The following WNK4 variants were observed in gnomAD, a reference collection of about 807,000 sequenced individuals.
WNK4 encodes the protein serine/threonine-protein kinase WNK4.
WNK4 carries 94 observed loss-of-function variants against 116.2 expected under a neutral mutation model. The observed-to-expected ratio is 0.81, with a 90% CI of 0.68 to 0.96. The LOEUF is 0.96. Ranked by LOEUF, WNK4 falls within the 40% of genes least tolerant of loss-of-function variation. The pLI, the probability that WNK4 is intolerant of heterozygous loss-of-function variation, is 0.00. For synonymous variants in WNK4, 655 were observed against 672.7 expected (o/e 0.97, Z 0.41); for missense variants, 1,542 against 1,650.6 (o/e 0.93, Z 1.14).
Position 42,783,970 on chromosome 17 carries a change from G to T in WNK4, c.825G>T (p.Arg275=). ...GGCGGTTCCGGGAGATGAAGCCGCG[G>T]GTCCTTCAGCGCTGGAGCCGCCAAA... ...YLRRFREMKP[R]VLQRWSRQIL... is the part of the protein sequence containing the mutation. Residue 275 remains arginine, a synonymous_variant, in exon 3 of 19, where the codon CGG becomes CGT. Coordinates refer to ENST00000246914, the MANE Select transcript of WNK4 (RefSeq NM_032387.5). The T allele has an allele frequency of 6.2e-7, 1 of 1,613,958 alleles. No homozygotes were observed.
Position 42,794,933 on chromosome 17 carries a change from C to T in WNK4, c.2512C>T (p.Pro838Ser). 1.9e-6 allele frequency: 3 copies of T among 1,544,346 alleles called. No individual in the cohort carries two copies. The highest frequency in any genetic ancestry group is 2.6e-6 in the Non-Finnish European group (3 of 1,133,246). ...CCCCATCACTTCTCCCCCATGTCAT[C>T]CCAGCCCCTCCCCATTCTCCCCCAT... ...IFPITSPPCH[P>S]SPSPFSPISS... The change falls in exon 14 of 19, where the codon CCC (proline) becomes TCC (serine). Residue 838 changes from proline (P) to serine (S), a missense_variant. By Grantham distance (74) the Pro-to-Ser change is moderately conservative. Transcript: ENST00000246914.
At chr17:42,793,897 G>A in intron 12 of WNK4, 168 bp downstream of exon 12, 1 of 818,074 alleles carries the variant, frequency 1.2e-6, no homozygotes, top group Admixed American at 2.4e-5. Context: ...CTGTCGCCCA[G>A]GCTGGAGTGC....
chr17:42,796,122 G>A lies in WNK4; in HGVS notation c.3432-1G>A. On this transcript the variant is annotated splice_acceptor_variant, in intron 16 of 18. Coordinates refer to ENST00000246914, the MANE Select transcript of WNK4 (RefSeq NM_032387.5). LOFTEE classifies it high-confidence loss of function. The stretch of plus-strand genomic sequence containing the variant: ...CTTTCATGCCCTCCGTGCATCCTCA[G>A]GCACTTGTCAGAGGTGGAAACACTA... The A allele has an allele frequency of 6.2e-7, 1 of 1,614,158 alleles. No individual in the cohort carries two copies. The highest frequency in any genetic ancestry group is 1.1e-5 in the South Asian group (1 of 91,082).
Position 42,788,698 on chromosome 17 carries a change from CAG to C in WNK4, c.2061_2062del (p.Arg687SerfsTer3), listed in dbSNP as rs777445704. ...ATCTGAAGGTCTCAGACCAGAATGACAGAGTGGTTGAGTGCCAGCTACAGACC... is the reference window on the plus strand; with the variant it reads ...ATCTGAAGGTCTCAGACCAGAATGACAGTGGTTGAGTGCCAGCTACAGACC... The part of the protein sequence containing the change: ...RVTSVSDQND[R>X]VVECQLQTHN... On this transcript the variant is annotated frameshift_variant, in exon 11 of 19. Coordinates refer to ENST00000246914, the MANE Select transcript of WNK4 (RefSeq NM_032387.5). LOFTEE classifies it high-confidence loss of function. 52 of 1,613,920 alleles carry C rather than the reference CAG, an allele frequency of 3.2e-5. No homozygotes were observed. The highest frequency in any genetic ancestry group is 3.8e-5 in the Non-Finnish European group (45 of 1,179,948).
At chr17:42,792,460 A>G (rs2054615982) in intron 11 of WNK4, among the ~76,000 whole-genome samples, 1 of 152,218 alleles carries the variant, frequency 6.6e-6, no homozygotes, top group Non-Finnish European at 1.5e-5. Flanking sequence ...GTATATTCAC[A>G]TTGCTGTGAA....
At position 42,784,095 on chromosome 17, in the gene WNK4, T is replaced by C; in HGVS notation, c.950T>C (p.Val317Ala). 2.5e-6 allele frequency: 4 copies of C among 1,612,202 alleles called. No homozygotes were observed. Among genetic ancestry groups the C allele is most frequent in the Non-Finnish European group, 3.4e-6 (4 of 1,179,998 alleles). ...TTTATCACGGGACCTACTGGCTCTG[T>C]CAAAATCGGGGACCTGGGCCTGGCC... The part of the protein sequence containing the change: ...NVFITGPTGS[V>A]KIGDLGLATL... Residue 317 changes from valine to alanine, a missense_variant, in exon 3 of 19, where the codon GTC becomes GCC. Coordinates refer to ENST00000246914, the MANE Select transcript of WNK4 (RefSeq NM_032387.5). This position sits in a 1 kb window ranked among gnomAD's most constrained non-coding sequence, Gnocchi z 4.4.
rs749754094 is a variant in WNK4, at chr17:42,796,717, C to A, written c.*29C>A. On this transcript the variant is annotated 3_prime_UTR_variant, in exon 19 of 19. Coordinates refer to ENST00000246914, the MANE Select transcript of WNK4 (RefSeq NM_032387.5). Reference sequence around the variant, plus strand: ...CAGAACAGAAGCCATGTATCTCCCCCACACCAGGGCCCACCATGGAGCTTG... The same window carrying A: ...CAGAACAGAAGCCATGTATCTCCCCAACACCAGGGCCCACCATGGAGCTTG... The A allele has an allele frequency of 1.2e-6, 2 of 1,614,048 alleles. No homozygotes were observed. Among genetic ancestry groups the A allele is most frequent in the African/African-American group, 1.3e-5 (1 of 74,900 alleles).
chr17:42,785,081 G>A lies in WNK4; in HGVS notation c.1171-16G>A. The A allele has an allele frequency of 1.2e-6, 2 of 1,609,328 alleles. No individual in the cohort carries two copies. The highest frequency in any genetic ancestry group is 1.7e-6 in the Non-Finnish European group (2 of 1,178,178). On this transcript the variant is annotated splice_polypyrimidine_tract_variant and intron_variant, in intron 4 of 18. Transcript: ENST00000246914. ...GGGATCAGAGGACGGGAGGTGTCAT[G>A]CAACCCCTTCCCCAGGGCAGAAAGC... is the stretch of plus-strand genomic sequence containing the variant.
In WNK4 at chr17:42,787,837, G is replaced by A. The variant is rs55781437; in HGVS notation, c.1801G>A (p.Ala601Thr). The change falls in exon 8 of 19, where the codon GCC becomes ACC. Residue 601 changes from alanine to threonine, a missense_variant. By Grantham distance (58) the Ala-to-Thr change is moderately conservative. Around this residue, in one of 7 missense-constraint regions of WNK4, gnomAD observed 808 missense variants for 873.6 expected, o/e 0.92. Transcript: ENST00000246914. ...SSGFLDASDP[A>T]LQPPGGVPSS... Reference sequence around the variant, plus strand: ...CGGCTTCCTGGATGCCTCAGACCCTGCCCTTCAGCCCCCTGGGGGGGTGCC... The same window carrying A: ...CGGCTTCCTGGATGCCTCAGACCCTACCCTTCAGCCCCCTGGGGGGGTGCC... The A allele has an allele frequency of 2.5e-6, 4 of 1,612,134 alleles. No homozygotes were observed. The Admixed American group carries it at 6.7e-5, about 27-fold the overall frequency.
At chr17:42,788,097 C>T (rs1462352113) in intron 8 of WNK4, 33 bp from the exon 9 acceptor site, 1 of 1,612,924 alleles carries the variant, frequency 6.2e-7, no homozygotes, top group Non-Finnish European at 8.5e-7. Flanking sequence ...CAGTTATCTT[C>T]CCCTGACCTC....
At position 42,795,881 on chromosome 17, in the gene WNK4, AC is replaced by A; in HGVS notation, c.3283del (p.Gln1095LysfsTer9). On this transcript the variant is annotated frameshift_variant, in exon 16 of 19. Coordinates refer to ENST00000246914, the MANE Select transcript of WNK4 (RefSeq NM_032387.5). LOFTEE classifies it high-confidence loss of function. ...VEEEGDDGKE[P>X]QVGGSPQPLS... is the part of the protein sequence containing the mutation. ...AGGAGGAAGGAGATGATGGGAAGGA[AC>A]CCCAAGTTGGGGGCAGCCCCCAACC... 2 of 1,611,460 alleles carry A rather than the reference AC, an allele frequency of 1.2e-6. No individual in the cohort carries two copies. Among genetic ancestry groups the A allele is most frequent in the Non-Finnish European group, 1.7e-6 (2 of 1,178,400 alleles).
intron 17 of WNK4, 65 bp from the exon 18 acceptor site, chr17:42,796,416 T>C (rs1452342553): frequency 5.0e-6 from 8 of 1,613,268 alleles, no homozygotes; most frequent in African/African-American, 4.0e-5. Context: ...CCCGGGGGAA[T>C]AGACCCCCTC....
intron 10 of WNK4, 100 bp downstream of exon 10, chr17:42,788,507 G>A: frequency 7.8e-7 from 1 of 1,286,596 alleles, no homozygotes; most frequent in Non-Finnish European, 1.1e-6. Context: ...GAGAAGCAGT[G>A]TATGACTAGT....
At chr17:42,795,588 C>A in intron 15 of WNK4, 37 bp from the exon 16 acceptor site, 1 of 1,614,230 alleles carries the variant, frequency 6.2e-7, no homozygotes, top group Non-Finnish European at 8.5e-7. Flanking sequence ...TGTCACTGCT[C>A]TCCTTTCCTC....
Position 42,795,795 on chromosome 17 carries a change from G to A in WNK4, c.3193G>A (p.Glu1065Lys). Reference protein sequence around the residue: ...DTEDSAGGGPETREALAESDR... With the variant: ...DTEDSAGGGPKTREALAESDR... The stretch of plus-strand genomic sequence containing the variant: ...AGAGGACAGTGCTGGAGGCGGGCCA[G>A]AGACCAGGGAAGCTCTGGCTGAGAG... Residue 1065 changes from glutamate to lysine, a missense_variant, in exon 16 of 19, where the codon GAG (glutamate) becomes AAG (lysine). Glu to Lys is a moderately conservative substitution (Grantham distance 56, BLOSUM62 1). Transcript: ENST00000246914. 2 of 1,613,892 alleles carry A rather than the reference G, an allele frequency of 1.2e-6. No individual in the cohort carries two copies. Among genetic ancestry groups the A allele is most frequent in the Non-Finnish European group, 1.7e-6 (2 of 1,180,036 alleles).
At position 42,785,286 on chromosome 17, in the gene WNK4, T is replaced by C. The variant is rs1166471053; in HGVS notation, c.1280T>C (p.Leu427Pro). 1.2e-6 allele frequency: 2 copies of C among 1,611,350 alleles called. No individual in the cohort carries two copies. Among genetic ancestry groups the C allele is most frequent in the Non-Finnish European group, 8.5e-7 (1 of 1,178,944 alleles). Residue 427 changes from leucine to proline, a missense_variant, in exon 6 of 19, where the codon CTG becomes CCG. Transcript: ENST00000246914. ...KNERFTIQDL[L>P]AHAFFREERG... ...CTCAGGTTCACCATCCAGGACCTCC[T>C]GGCCCACGCCTTCTTCCGCGAGGAG...
chr17:42,780,935 C>T lies in WNK4; in HGVS notation c.237C>T (p.Pro79=), dbSNP rs750199821. The T allele has an allele frequency of 6.2e-7, 1 of 1,609,756 alleles. No individual in the cohort carries two copies. Among genetic ancestry groups the T allele is most frequent in the East Asian group, 2.2e-5 (1 of 44,870 alleles). The part of the protein sequence containing the change: ...LLSSWSLPAS[P]APDPPDPPDS... ...GCTCTTGGTCCCTGCCAGCCTCACCCGCTCCGGACCCCCCCGATCCTCCGG... is the reference window on the plus strand; with the variant it reads ...GCTCTTGGTCCCTGCCAGCCTCACCTGCTCCGGACCCCCCCGATCCTCCGG... Residue 79 remains proline (P), a synonymous_variant, in exon 1 of 19, where the codon CCC becomes CCT. Coordinates refer to ENST00000246914, the MANE Select transcript of WNK4 (RefSeq NM_032387.5).
At chr17:42,786,004 C>T (rs576128579) in intron 6 of WNK4, among the ~76,000 whole-genome samples, 2 of 152,332 alleles carry the variant, frequency 1.3e-5, no homozygotes, top group South Asian at 4.1e-4. Flanking sequence ...ATCGATTCTT[C>T]TATCCCTGGC....
At chr17:42,794,709 G>A (rs765467763) in intron 13 of WNK4, 41 bp downstream of exon 13, 1 of 1,613,748 alleles carries the variant, frequency 6.2e-7, no homozygotes, top group Non-Finnish European at 8.5e-7. Flanking sequence ...CAACCCCTGG[G>A]GTTGCTCCTG....
Sources: allele counts gnomAD v4.1 joint callset (sites outside exome capture counted in the v4.1 genomes callset), GRCh38; gene constraint gnomAD v4.1.1; regional missense constraint gnomAD v4.1.1; non-coding constraint Gnocchi (gnomAD v3.1); transcripts MANE v1.5; gene names NCBI Gene and HGNC (gene_info 2026-07-23, HGNC 2026-07-21).